RNF157: variants seen among roughly 807,000 people sequenced by gnomAD.
RNF157 encodes the protein ring finger protein 157.
RNF157 carries 55 observed loss-of-function variants against 88.3 expected under a neutral mutation model. The ratio of observed to expected loss-of-function variants is 0.62; its 90% CI spans 0.50 to 0.78. RNF157 has a LOEUF of 0.78. Among genes scored for constraint, RNF157 ranks in the 30% least tolerant of loss-of-function variants. RNF157 has a pLI of 0.00. For synonymous variants in RNF157, 334 were observed against 341.2 expected, an observed-to-expected ratio of 0.98 and a Z score of 0.23; for missense variants, 788 against 860.8, an observed-to-expected ratio of 0.92 and a Z score of 1.06.
chr17:76,147,149 G>C (rs1217589645), intron 18 of RNF157: 4 of 984,766 alleles, frequency 4.1e-6, no homozygotes. Context: ...TCTAATGGTG[G>C]CACTATGTGT....
In RNF157 at chr17:76,145,961, G is replaced by A. The variant is rs192030679; in HGVS notation, c.1922-608C>T. 9.1e-4 allele frequency among the ~76,000 whole-genome samples: 139 copies of A among 152,266 alleles called. 2 individuals carry two copies. The highest frequency in any genetic ancestry group is 3.4e-3 in the Middle Eastern group (1 of 294). On this transcript the variant is annotated intron_variant, in intron 18 of 18. Transcript: ENST00000269391. ...AGCTGTTGAGGTTTGCTACTAGCTG[G>A]TGCCATCAGCCCAGCAGACACCAGC... is the stretch of plus-strand genomic sequence containing the variant.
intron 12 of RNF157, 44 bp from the exon 13 acceptor site, chr17:76,158,545 T>A: frequency 1.4e-6 from 2 of 1,394,638 alleles, no homozygotes; most frequent in Non-Finnish European, 2.0e-6. Flanking sequence ...AACGTCCATT[T>A]AAAGAACAGA....
rs1318654829 is a variant in RNF157 at position 76,149,481 on chromosome 17, A to G, written c.1921+2874T>C. The stretch of plus-strand genomic sequence containing the variant: ...AGACGGCCAGTGGTATCTCAGCCCC[A>G]GGATAGAAAGCTGAACTTACAGCTG... On this transcript the variant is annotated intron_variant, in intron 18 of 18. Coordinates refer to ENST00000269391, the MANE Select transcript of RNF157 (RefSeq NM_052916.3). 2.6e-5 allele frequency among the ~76,000 whole-genome samples: 4 copies of G among 152,090 alleles called. No individual in the cohort carries two copies. The East Asian group carries it at 7.7e-4, about 29-fold the overall frequency.
At chr17:76,200,521 C>T (rs1181160170) in intron 2 of RNF157, among the ~76,000 whole-genome samples, 1 of 152,090 alleles carries the variant, frequency 6.6e-6, no homozygotes, top group Non-Finnish European at 1.5e-5. Flanking sequence ...TAGTCAAACT[C>T]ATAGAGGCAG....
chr17:76,166,283 A>G (rs1227921490), intron 6 of RNF157, among the ~76,000 whole-genome samples, 178 bp downstream of exon 6: 1 of 152,114 alleles, frequency 6.6e-6, no homozygotes, highest in Non-Finnish European at 1.5e-5. Flanking sequence ...CCAAACCCAC[A>G]CTTTTCACAT....
At chr17:76,214,910 C>T (rs938320755) in intron 1 of RNF157, among the ~76,000 whole-genome samples, 2 of 152,172 alleles carry the variant, frequency 1.3e-5, no homozygotes, top group African/African-American at 4.8e-5. Flanking sequence ...TCTGGGAATA[C>T]ATTTTAAGTT....
At chr17:76,148,011 T>C (rs756090794) in intron 18 of RNF157, among the ~76,000 whole-genome samples, 1 of 152,174 alleles carries the variant, frequency 6.6e-6, no homozygotes, top group Non-Finnish European at 1.5e-5. Flanking sequence ...AGGACTGTAA[T>C]AGTTCAACTG....
rs1305813161 is a variant in RNF157 at position 76,157,468 on chromosome 17, TC to T, written c.1413+924del. 6.6e-6 allele frequency among the ~76,000 whole-genome samples: 1 copy of T among 152,206 alleles called. No homozygotes were observed. Among genetic ancestry groups the T allele is most frequent in the African/African-American group, 2.4e-5 (1 of 41,462 alleles). ...TCTCCACATGGATGTTTCTCTCACC[TC>T]TTTCTCCATGTCTAAAAAACTTCCA... On this transcript the variant is annotated intron_variant, in intron 13 of 18. Coordinates refer to ENST00000269391, the MANE Select transcript of RNF157 (RefSeq NM_052916.3). The surrounding 1 kb of genome is among the most constrained non-coding windows in gnomAD (Gnocchi z 5.6).
rs2068562504 is a variant in RNF157, at chr17:76,144,936, G to GT, written c.*298dup. ...TACCCCCTAAGGAGAAAAAAGATGT[G>GT]TAAGAAATTAGCCCATGGACCCCAG... On this transcript the variant is annotated 3_prime_UTR_variant, in exon 19 of 19. Coordinates refer to ENST00000269391, the MANE Select transcript of RNF157 (RefSeq NM_052916.3). 3.3e-6 allele frequency: 1 copy of GT among 303,428 alleles called. No individual in the cohort carries two copies. Among genetic ancestry groups the GT allele is most frequent in the Non-Finnish European group, 6.1e-6 (1 of 164,824 alleles). The allele number at this position is 303,428 out of a possible 1,614,324, so 18.8% of individuals were successfully genotyped here. A position where few individuals can be genotyped will look rare whatever the true frequency, so the allele number is the denominator to read the frequency against.
chr17:76,187,314 G>A lies in RNF157; in HGVS notation c.208-13524C>T, dbSNP rs2069308911. Among the ~76,000 whole-genome samples the A allele has an allele frequency of 3.3e-5, 5 of 151,906 alleles. No homozygotes were observed. In the South Asian group the frequency reaches 1.0e-3, roughly 32 times the overall value. Reference sequence around the variant, plus strand: ...TTCTCCTGCCTCAGTCTCCCGAGTAGCTGGGATTACAGGTGCATGACACCA... The same window carrying A: ...TTCTCCTGCCTCAGTCTCCCGAGTAACTGGGATTACAGGTGCATGACACCA... On this transcript the variant is annotated intron_variant, in intron 2 of 18. Transcript: ENST00000269391.
intron 1 of RNF157, among the ~76,000 whole-genome samples, chr17:76,215,515 A>T (rs1363363036): frequency 6.9e-6 from 1 of 145,096 alleles, no homozygotes; most frequent in African/African-American, 2.6e-5. Context: ...GAAAAGAAAA[A>T]AGGAAAAAAA....
intron 2 of RNF157, among the ~76,000 whole-genome samples, chr17:76,209,257 C>G (rs2069734949): frequency 6.6e-6 from 1 of 152,104 alleles, no homozygotes; most frequent in Non-Finnish European, 1.5e-5. Context: ...AAAGCCTCAA[C>G]TTTAAGGTTA....
intron 17 of RNF157, 109 bp from the exon 18 acceptor site, chr17:76,152,574 G>A (rs2068696827): frequency 7.0e-6 from 5 of 711,828 alleles, no homozygotes; most frequent in Non-Finnish European, 5.1e-6. Flanking sequence ...CAAATCATAT[G>A]TTAAAAAAAA....
intron 2 of RNF157, among the ~76,000 whole-genome samples, chr17:76,206,588 T>C (rs2069685802): frequency 6.6e-6 from 1 of 151,874 alleles, no homozygotes; most frequent in African/African-American, 2.4e-5. Flanking sequence ...TTGCCTGAGG[T>C]CAGGAGTTCG....
Position 76,240,120 on chromosome 17 carries a change from C to T in RNF157, c.88+33G>A. On this transcript the variant is annotated intron_variant, in intron 1 of 18. Transcript: ENST00000269391. The surrounding 1 kb of genome is among the most constrained non-coding windows in gnomAD (Gnocchi z 4.4). ...CAGACCCCTGCCCCTGCCCCTCTCC[C>T]TCCTCGCGGCTGCGGCGCCCGCCCG... is the stretch of plus-strand genomic sequence containing the variant. 1 of 1,256,344 alleles carries T rather than the reference C, an allele frequency of 8.0e-7. No homozygotes were observed. Among genetic ancestry groups the T allele is most frequent in the Non-Finnish European group, 1.0e-6 (1 of 984,994 alleles). The allele number at this position is 1,256,344 out of a possible 1,614,324, so 77.8% of individuals were successfully genotyped here. A position where few individuals can be genotyped will look rare whatever the true frequency, so the allele number is the denominator to read the frequency against.
At chr17:76,164,641 CAA>C in intron 8 of RNF157, 105 bp downstream of exon 8, 1 of 577,094 alleles carries the variant, frequency 1.7e-6, no homozygotes, top group Non-Finnish European at 2.8e-6. Context: ...AAGGAGAGAG[CAA>C]AAAGTAAAAC....
chr17:76,203,198 C>A (rs2069616798), intron 2 of RNF157, among the ~76,000 whole-genome samples: 1 of 152,056 alleles, frequency 6.6e-6, no homozygotes, highest in Admixed American at 6.6e-5. Context: ...GCCATGTTGG[C>A]CAGGCTGGTC....
intron 1 of RNF157, among the ~76,000 whole-genome samples, chr17:76,231,085 C>A (rs1598449043): frequency 2.0e-5 from 3 of 151,974 alleles, no homozygotes; most frequent in African/African-American, 7.2e-5. Context: ...ACTACCTCTG[C>A]CTCCTGGGTT....
rs967217270 is a variant in RNF157, at chr17:76,144,233, T to C, written c.*1002A>G. ...CTTGAAATGTCACCTTAGGATGGAG[T>C]TGCAGGCCTCCCTGAATGCACCTGA... On this transcript the variant is annotated 3_prime_UTR_variant, in exon 19 of 19. Transcript: ENST00000269391. 1 of 151,916 alleles carries C rather than the reference T, an allele frequency of 6.6e-6. No individual in the cohort carries two copies. The highest frequency in any genetic ancestry group is 2.4e-5 in the African/African-American group (1 of 41,336). The allele number at this position is 151,916 out of a possible 1,614,324, so 9.4% of individuals were successfully genotyped here.
Sources: gnomAD v4.1 joint callset for allele counts (sites outside exome capture counted in the v4.1 genomes callset) on GRCh38, gnomAD v4.1.1 for gene constraint, Gnocchi (gnomAD v3.1) non-coding constraint, MANE v1.5 for transcripts, NCBI Gene and HGNC (gene_info 2026-07-23, HGNC 2026-07-21) for gene names.